SPATA1: variants seen among roughly 807,000 people sequenced by gnomAD.
The protein encoded by SPATA1 is spermatogenesis associated 1, also known as spermatogenesis-associated protein 1.
Under a neutral mutation model 59.6 loss-of-function variants are expected in SPATA1, and 57 were observed. The ratio of observed to expected loss-of-function variants is 0.96; its 90% CI spans 0.77 to 1.19. The LOEUF is 1.19. SPATA1 is among the 50% of genes most tolerant of loss of function. The pLI, the probability that SPATA1 is intolerant of heterozygous loss-of-function variation, is 0.00. For missense variants in SPATA1, 448 were observed against 480.7 expected (o/e 0.93, Z 0.64); for synonymous variants, 147 against 163.9 (o/e 0.90, Z 0.79).
At chr1:84,546,179 C>T (rs11164005) in intron 10 of SPATA1, among the ~76,000 whole-genome samples, 29,248 of 152,070 alleles carry the variant, frequency 0.19, 2,993 homozygotes, top group South Asian at 0.3. Flanking sequence ...TCCTTGCCAG[C>T]GCAGTGGTTC....
chr1:84,563,983 AAG>A, intron 4 of SPATA1: 1 of 818,422 alleles, frequency 1.2e-6, no homozygotes, highest in Non-Finnish European at 1.7e-6. Flanking sequence ...AACATCCCTT[AAG>A]AACCATAAAT....
At chr1:84,536,103 T>C (rs1411250640) in intron 8 of SPATA1, among the ~76,000 whole-genome samples, 10 of 152,358 alleles carry the variant, frequency 6.6e-5, no homozygotes, top group Non-Finnish European at 1.5e-5. Context: ...CTCAGACTGG[T>C]TATTGCAAAA....
At position 84,520,748 on chromosome 1, in the gene SPATA1, G is replaced by C. The variant is rs1570400309; in HGVS notation, c.143+57G>C. ...CTGAAAGAAGAATCTGTTTTCTTCA[G>C]AGAAAAATGCTTTTTGGAAATTTAA... On this transcript the variant is annotated intron_variant, in intron 3 of 12. Coordinates refer to ENST00000490879, the Ensembl canonical transcript of SPATA1. 2.5e-6 allele frequency: 3 copies of C among 1,210,790 alleles called. No homozygotes were observed. In the East Asian group the frequency reaches 8.0e-5, roughly 32 times the overall value. 75.0% of individuals were successfully genotyped at this position (1,210,790 alleles called of 1,614,324 possible).
chr1:84,530,759 A>T, intron 6 of SPATA1, among the ~76,000 whole-genome samples: 1 of 152,236 alleles, frequency 6.6e-6, no homozygotes, highest in African/African-American at 2.4e-5. Context: ...CCATGCCAGG[A>T]CTTGAGCTCT....
downstream of SPATA1, among the ~76,000 whole-genome samples, chr1:84,557,554 G>A (rs147415231): frequency 0.039 from 2,727 of 69,046 alleles, 52 homozygotes; most frequent in African/African-American, 0.15. Flanking sequence ...AAAAAAAAAA[G>A]AAAAAAAAAA....
rs56250726 is a variant in SPATA1 at position 84,548,750 on chromosome 1, C to CTTTTT, written c.947-9_947-5dup. On this transcript the variant is annotated intron_variant, in intron 10 of 12. Transcript: ENST00000490879. ...TTTAATACTCAAACGAAGGCCTTTC[C>CTTTTT]TTTTTTTTTTTTTTTTTTTTTTTTT... is the stretch of plus-strand genomic sequence containing the variant. 33 of 915,416 alleles carry CTTTTT rather than the reference C, an allele frequency of 3.6e-5. 1 individual carries two copies. Among genetic ancestry groups the CTTTTT allele is most frequent in the African/African-American group, 3.2e-4 (11 of 33,866 alleles). 56.7% of individuals were successfully genotyped at this position (915,416 alleles called of 1,614,324 possible).
chr1:84,557,423 C>G (rs1684467473), downstream of SPATA1, among the ~76,000 whole-genome samples: 1 of 150,944 alleles, frequency 6.6e-6, no homozygotes, highest in African/African-American at 2.4e-5. Context: ...ATCCCAGCTA[C>G]TCAGGACGCT....
chr1:84,509,252 C>A (rs1452125922), intron 1 of SPATA1, among the ~76,000 whole-genome samples: 1 of 151,058 alleles, frequency 6.6e-6, no homozygotes, highest in African/African-American at 2.4e-5. Context: ...ATAGAGAACC[C>A]AGAAACAAAT....
rs369312150 is a variant in SPATA1, at chr1:84,563,212, C to T, written n.443-2649C>T. On this transcript the variant is annotated intron_variant and non_coding_transcript_variant, in intron 4 of 4. Transcript: ENST00000460286. Reference sequence around the variant, plus strand: ...AAACATCTAATTATGAAAATAATTACAAAAACTAATAGAATAAATGCTCAT... The same window carrying T: ...AAACATCTAATTATGAAAATAATTATAAAAACTAATAGAATAAATGCTCAT... 1.1e-5 allele frequency: 14 copies of T among 1,261,294 alleles called. No homozygotes were observed. In the African/African-American group the frequency reaches 2.0e-4, roughly 18 times the overall value. The allele number at this position is 1,261,294 out of a possible 1,614,324, so 78.1% of individuals were successfully genotyped here. A position where few individuals can be genotyped will look rare whatever the true frequency, so the allele number is the denominator to read the frequency against.
intron 1 of SPATA1, among the ~76,000 whole-genome samples, chr1:84,513,808 G>A (rs1682677486): frequency 6.6e-6 from 1 of 150,482 alleles, no homozygotes; most frequent in Admixed American, 6.6e-5. Context: ...TCATGGCTAT[G>A]ATACTAACTG....
intron 4 of SPATA1, chr1:84,563,815 T>C (rs1303220849): frequency 6.2e-7 from 1 of 1,607,336 alleles, no homozygotes; most frequent in South Asian, 1.1e-5. Context: ...ATGCTCATCT[T>C]GATGTAGTCA....
At chr1:84,559,066 C>G (rs72950339), downstream of SPATA1, among the ~76,000 whole-genome samples, 5,811 of 152,138 alleles carry the variant, frequency 0.038, 389 homozygotes, top group African/African-American at 0.13. Context: ...TTTTATTGTA[C>G]TTTGCTTTAT....
At chr1:84,512,417 T>G (rs934238980) in intron 1 of SPATA1, among the ~76,000 whole-genome samples, 5 of 152,216 alleles carry the variant, frequency 3.3e-5, no homozygotes, top group Admixed American at 3.3e-4. Flanking sequence ...TTACCTTGTG[T>G]GAGATTCTAC....
At chr1:84,520,200 G>A in intron 2 of SPATA1, 1 of 167,822 alleles carries the variant, frequency 6.0e-6, no homozygotes, top group Admixed American at 6.5e-5. Flanking sequence ...ATATACAAAG[G>A]ATAAAGATTC....
At chr1:84,510,919 C>T (rs1682510062) in intron 1 of SPATA1, among the ~76,000 whole-genome samples, 1 of 152,172 alleles carries the variant, frequency 6.6e-6, no homozygotes, top group Admixed American at 6.5e-5. Context: ...CACAGAAACA[C>T]AAACCTCACA....
At chr1:84,538,405 A>G (rs917857871) in intron 8 of SPATA1, among the ~76,000 whole-genome samples, 5 of 152,200 alleles carry the variant, frequency 3.3e-5, no homozygotes, top group Admixed American at 3.3e-4. Context: ...AGGCAACTTG[A>G]CCATATCATG....
At chr1:84,536,114 G>T (rs1323517596) in intron 8 of SPATA1, among the ~76,000 whole-genome samples, 2 of 152,172 alleles carry the variant, frequency 1.3e-5, no homozygotes. Context: ...TATTGCAAAA[G>T]AACTGCAATA....
chr1:84,539,175 CT>C (rs1333947641), intron 8 of SPATA1, among the ~76,000 whole-genome samples: 39 of 152,304 alleles, frequency 2.6e-4, no homozygotes, highest in African/African-American at 8.7e-4. Context: ...TGAATGGAGT[CT>C]GTACAAGCCC....
chr1:84,512,070 T>A lies in SPATA1; in HGVS notation c.-137-4153T>A, dbSNP rs533643176. Among the ~76,000 whole-genome samples, 7 of 152,300 alleles carry A rather than the reference T, an allele frequency of 4.6e-5. 1 individual carries two copies. In the South Asian group the frequency reaches 1.4e-3, roughly 32 times the overall value. The stretch of plus-strand genomic sequence containing the variant: ...ATTTACAGCTTAACCAGGAACCAGA[T>A]AAAGCAGAACTCCCAGGACATATAC... On this transcript the variant is annotated intron_variant, in intron 1 of 12. Transcript: ENST00000490879.
Sources: allele counts gnomAD v4.1 joint callset (sites outside exome capture counted in the v4.1 genomes callset), GRCh38; gene constraint gnomAD v4.1.1; transcripts MANE v1.5; gene names NCBI Gene and HGNC (gene_info 2026-07-23, HGNC 2026-07-21).